APPL1: variants seen among roughly 807,000 people sequenced by gnomAD.
The protein encoded by APPL1 is adaptor protein, phosphotyrosine interacting with PH domain and leucine zipper 1, also known as DCC-interacting protein 13-alpha.
A neutral mutation model predicts 106.8 loss-of-function variants in APPL1; 42 were observed. That is an observed-to-expected ratio of 0.39 (90% CI 0.31 to 0.51). APPL1 has a LOEUF of 0.51. APPL1 is among the 20% of genes least tolerant of loss of function. The probability of loss-of-function intolerance (pLI) is 0.75; values close to 1 mark genes in which losing one functional copy is unlikely to be tolerated. For synonymous variants in APPL1, 263 were observed against 281.8 expected, an observed-to-expected ratio of 0.93 and a Z score of 0.67; for missense variants, 769 against 858.2, an observed-to-expected ratio of 0.90 and a Z score of 1.30.
intron 19 of APPL1, among the ~76,000 whole-genome samples, chr3:57,264,014 A>G (rs1482453565): frequency 6.6e-6 from 1 of 152,196 alleles, no homozygotes; most frequent in East Asian, 1.9e-4. Flanking sequence ...CCAACAGTGT[A>G]CAAGGGTTCC....
chr3:57,259,173 C>G, intron 16 of APPL1, 93 bp downstream of exon 16: 1 of 1,047,460 alleles, frequency 9.5e-7, no homozygotes, highest in Non-Finnish European at 1.4e-6. Flanking sequence ...CTACTAAGCT[C>G]AGTTTTAATG....
intron 8 of APPL1, 126 bp downstream of exon 8, chr3:57,246,348 A>G (rs1164022207): frequency 7.4e-6 from 5 of 679,730 alleles, no homozygotes; most frequent in Non-Finnish European, 1.1e-5. Context: ...GTGTTTTAAG[A>G]AGTTATTTTT....
At position 57,257,369 on chromosome 3, in the gene APPL1, A is replaced by G. The variant is rs1385835883; in HGVS notation, c.1371A>G (p.Ile457Met). The G allele has an allele frequency of 1.9e-6, 3 of 1,613,936 alleles. No homozygotes were observed. The highest frequency in any genetic ancestry group is 1.7e-6 in the Non-Finnish European group (2 of 1,179,970). The change falls in exon 15 of 22, where the codon ATA becomes ATG. Residue 457 changes from isoleucine (I) to methionine (M), a missense_variant. Coordinates refer to ENST00000288266, the MANE Select transcript of APPL1 (RefSeq NM_012096.3). ...CAGACACCCCAATACAGTTTGACATAATTTCTCCTGTGTGTGAAGATCAGC... is the reference window on the plus strand; with the variant it reads ...CAGACACCCCAATACAGTTTGACATGATTTCTCCTGTGTGTGAAGATCAGC... ...VAPDTPIQFD[I>M]ISPVCEDQPG... is the part of the protein sequence containing the mutation.
rs1266826067 is a variant in APPL1 at position 57,273,065 on chromosome 3, A to G, written c.*3378A>G. 1 of 152,486 alleles carries G rather than the reference A, an allele frequency of 6.6e-6. No homozygotes were observed. Among genetic ancestry groups the G allele is most frequent in the East Asian group, 1.9e-4 (1 of 5,206 alleles). The allele number at this position is 152,486 out of a possible 1,614,324, so 9.4% of individuals were successfully genotyped here. A position where few individuals can be genotyped will look rare whatever the true frequency, so the allele number is the denominator to read the frequency against. On this transcript the variant is annotated 3_prime_UTR_variant, in exon 22 of 22. Coordinates refer to ENST00000288266, the MANE Select transcript of APPL1 (RefSeq NM_012096.3). ...CTTTCTACATTAACTAGTAAGACAT[A>G]AAGATTTGAAACTGGAACTATATTA...
chr3:57,252,393 G>T, intron 12 of APPL1, 82 bp downstream of exon 12: 1 of 1,058,144 alleles, frequency 9.5e-7, no homozygotes, highest in East Asian at 2.6e-5. Context: ...TGTGTTCATT[G>T]TAGAAATTTT....
chr3:57,235,764 T>C, intron 2 of APPL1, 100 bp downstream of exon 2: 1 of 744,412 alleles, frequency 1.3e-6, no homozygotes, highest in Non-Finnish European at 2.3e-6. Flanking sequence ...TTTAGCCCTG[T>C]GTTAGGCTCA....
rs1310022276 is a variant in APPL1 at position 57,269,589 on chromosome 3, C to G, written c.2032C>G (p.Gln678Glu). 5 of 1,613,934 alleles carry G rather than the reference C, an allele frequency of 3.1e-6. No individual in the cohort carries two copies. The highest frequency in any genetic ancestry group is 1.3e-5 in the African/African-American group (1 of 75,018). The part of the protein sequence containing the change: ...RLIAASSRPN[Q>E]ASSEGQFVVL... Reference sequence around the variant, plus strand: ...GATAGCTGCTTCCAGTAGACCAAACCAAGCCAGTAGTGAGGGGCAGTTTGT... The same window carrying G: ...GATAGCTGCTTCCAGTAGACCAAACGAAGCCAGTAGTGAGGGGCAGTTTGT... The change falls in exon 22 of 22, where the codon CAA (glutamine) becomes GAA (glutamate). Residue 678 changes from glutamine to glutamate, a missense_variant. By Grantham distance (29) the Gln-to-Glu change is conservative. Transcript: ENST00000288266.
chr3:57,230,824 C>A, intron 1 of APPL1: 1 of 436,398 alleles, frequency 2.3e-6, no homozygotes, highest in Admixed American at 2.9e-5. Flanking sequence ...GGTTGGATTG[C>A]AGTGGCACAG....
chr3:57,256,887 A>T, intron 13 of APPL1, 70 bp from the exon 14 acceptor site: 1 of 1,179,920 alleles, frequency 8.5e-7, no homozygotes, highest in Non-Finnish European at 1.3e-6. Context: ...CTAACAATTC[A>T]GAGTTACATT....
chr3:57,248,309 A>G lies in APPL1; in HGVS notation c.821A>G (p.Asn274Ser). 6.2e-7 allele frequency: 1 copy of G among 1,614,176 alleles called. No homozygotes were observed. The highest frequency in any genetic ancestry group is 1.1e-5 in the South Asian group (1 of 91,084). ...PDPDPTKFPVNRNLTRKAGYL... is the reference protein window; with the variant it reads ...PDPDPTKFPVSRNLTRKAGYL... ...CCAGACCCCACCAAATTTCCTGTTA[A>G]TCGAAATTTAACCCGAAAGGCTGGA... Residue 274 changes from asparagine to serine, a missense_variant, in exon 10 of 22, where the codon AAT becomes AGT. By Grantham distance (46) the Asn-to-Ser change is conservative. Coordinates refer to ENST00000288266, the MANE Select transcript of APPL1 (RefSeq NM_012096.3).
intron 1 of APPL1, among the ~76,000 whole-genome samples, chr3:57,229,824 A>G (rs905413523): frequency 1.4e-5 from 2 of 142,924 alleles, no homozygotes; most frequent in African/African-American, 5.3e-5. Context: ...AGTGATTCTC[A>G]TGCCTCAGCC....
Position 57,271,514 on chromosome 3 carries a change from G to A in APPL1, c.*1827G>A, listed in dbSNP as rs181271716. The A allele has an allele frequency of 6.6e-6, 1 of 152,310 alleles. No individual in the cohort carries two copies. Among genetic ancestry groups the A allele is most frequent in the East Asian group, 1.9e-4 (1 of 5,188 alleles). 9.4% of individuals were successfully genotyped at this position (152,310 alleles called of 1,614,324 possible). ...TAGTCATGGCAAGTCCTGTTTTTAA[G>A]ACCTTTTGGAGACTGGAGCTTTCTG... is the stretch of plus-strand genomic sequence containing the variant. On this transcript the variant is annotated 3_prime_UTR_variant, in exon 22 of 22. Coordinates refer to ENST00000288266, the MANE Select transcript of APPL1 (RefSeq NM_012096.3).
At chr3:57,268,676 T>C in intron 21 of APPL1, 189 bp downstream of exon 21, 2 of 443,080 alleles carry the variant, frequency 4.5e-6, no homozygotes, top group Non-Finnish European at 7.4e-6. Context: ...ACATTATAGT[T>C]ACGTTGACAT....
intron 4 of APPL1, among the ~76,000 whole-genome samples, chr3:57,239,202 C>G (rs1483501612): frequency 2.6e-5 from 4 of 152,086 alleles, no homozygotes; most frequent in Non-Finnish European, 5.9e-5. Context: ...CCCATGGGGC[C>G]CCTCCCACAA....
At chr3:57,256,257 T>A (rs2060835635) in intron 13 of APPL1, among the ~76,000 whole-genome samples, 1 of 152,338 alleles carries the variant, frequency 6.6e-6, no homozygotes, top group Non-Finnish European at 1.5e-5. Context: ...TTTACCATGT[T>A]AACCATTTTT....
intron 10 of APPL1, 31 bp from the exon 11 acceptor site, chr3:57,249,329 A>G (rs2060790980): frequency 3.7e-6 from 6 of 1,611,710 alleles, no homozygotes; most frequent in Non-Finnish European, 5.1e-6. Flanking sequence ...GTATGTTGTT[A>G]TTAAAGAGTG....
In APPL1 at chr3:57,257,413, TTGG is replaced by T; in HGVS notation, c.1416_1418del (p.Gly473del). The stretch of plus-strand genomic sequence containing the variant: ...GATCAGCCTGGCCAGGCAAAAGCCT[TTGG>T]CCAGGGAGGCAGGTGGGTGATAGCA... On this transcript the variant is annotated inframe_deletion, in exon 15 of 22. Coordinates refer to ENST00000288266, the MANE Select transcript of APPL1 (RefSeq NM_012096.3). 3 of 1,612,720 alleles carry T rather than the reference TTGG, an allele frequency of 1.9e-6. No homozygotes were observed. The highest frequency in any genetic ancestry group is 2.5e-6 in the Non-Finnish European group (3 of 1,179,274).
chr3:57,256,281 T>C (rs939056271), intron 13 of APPL1, among the ~76,000 whole-genome samples: 1 of 152,216 alleles, frequency 6.6e-6, no homozygotes, highest in Non-Finnish European at 1.5e-5. Flanking sequence ...TATACAGAAA[T>C]GTTAACTATA....
chr3:57,250,921 C>G (rs921333853), intron 11 of APPL1, among the ~76,000 whole-genome samples: 1 of 148,554 alleles, frequency 6.7e-6, no homozygotes, highest in Non-Finnish European at 1.5e-5. Flanking sequence ...CATTCTCCTG[C>G]CTCAGCCTCC....
Sources: allele counts gnomAD v4.1 joint callset (sites outside exome capture counted in the v4.1 genomes callset), GRCh38; gene constraint gnomAD v4.1.1; transcripts MANE v1.5; gene names NCBI Gene and HGNC (gene_info 2026-07-23, HGNC 2026-07-21).